Variants in COL25A1 observed in about 807,000 individuals in gnomAD.
COL25A1 encodes the protein collagen alpha-1(XXV) chain.
In COL25A1, 103 loss-of-function variants were observed where a neutral mutation model predicts 128.4. The observed-to-expected ratio is 0.80, with a 90% CI of 0.68 to 0.94. The LOEUF is 0.94. Among genes scored for constraint, COL25A1 ranks in the 40% least tolerant of loss-of-function variants. The pLI is 0.00. For synonymous variants in COL25A1, 279 were observed against 277.2 expected, an observed-to-expected ratio of 1.01 and a Z score of -0.06; for missense variants, 745 against 840.0, an observed-to-expected ratio of 0.89 and a Z score of 1.40.
intron 4 of COL25A1, 33 bp downstream of exon 4, chr4:109,050,102 G>C: frequency 6.3e-7 from 1 of 1,588,398 alleles, no homozygotes; most frequent in Non-Finnish European, 8.6e-7. Flanking sequence ...ACCAGAACAT[G>C]AGTGACACAG....
chr4:109,057,197 C>T (rs149935813), intron 3 of COL25A1, among the ~76,000 whole-genome samples: 1 of 152,186 alleles, frequency 6.6e-6, no homozygotes, highest in East Asian at 1.9e-4. Flanking sequence ...GCCCTCCTGG[C>T]AAAGCATGTT....
chr4:109,010,347 A>G lies in COL25A1; in HGVS notation c.438+11T>C, dbSNP rs780024391. 1.9e-6 allele frequency: 3 copies of G among 1,574,280 alleles called. No individual in the cohort carries two copies. Among genetic ancestry groups the G allele is most frequent in the Non-Finnish European group, 1.7e-6 (2 of 1,163,916 alleles). ...AATTGAAAATAATTTGCTAGAAAAG[A>G]ATTACCTTACCTGAGGACCAGGCTG... On this transcript the variant is annotated intron_variant, in intron 6 of 37. Transcript: ENST00000399132.
chr4:109,057,945 G>A (rs1483172937), intron 3 of COL25A1, among the ~76,000 whole-genome samples: 1 of 152,106 alleles, frequency 6.6e-6, no homozygotes, highest in Non-Finnish European at 1.5e-5. Flanking sequence ...AAATACTACT[G>A]CACTTGAACA....
At chr4:108,957,627 T>C (rs576925923) in intron 8 of COL25A1, among the ~76,000 whole-genome samples, 25 of 152,362 alleles carry the variant, frequency 1.6e-4, no homozygotes, top group African/African-American at 5.5e-4. Context: ...GAACTGTCTA[T>C]GATTAGAATA....
chr4:109,058,478 T>C (rs1472618148), intron 3 of COL25A1, among the ~76,000 whole-genome samples: 1 of 152,174 alleles, frequency 6.6e-6, no homozygotes, highest in Non-Finnish European at 1.5e-5. Context: ...GATTATATGT[T>C]TCTAATGGAA....
chr4:109,101,608 C>G (rs866717744), intron 3 of COL25A1, among the ~76,000 whole-genome samples: 7 of 152,180 alleles, frequency 4.6e-5, no homozygotes, highest in African/African-American at 1.4e-4. Flanking sequence ...CTCCTGCTTT[C>G]CCATAATATT....
intron 8 of COL25A1, among the ~76,000 whole-genome samples, chr4:108,970,731 C>T (rs534055835): frequency 1.3e-5 from 2 of 152,274 alleles, no homozygotes; most frequent in South Asian, 4.1e-4. Context: ...CCATGGGTCA[C>T]CACCATTAAA....
chr4:109,048,391 A>C (rs1429682038), intron 4 of COL25A1, among the ~76,000 whole-genome samples: 1 of 152,200 alleles, frequency 6.6e-6, no homozygotes, highest in Non-Finnish European at 1.5e-5. Context: ...TTTACATAAA[A>C]TTTCAAGTAA....
intron 3 of COL25A1, among the ~76,000 whole-genome samples, chr4:109,137,127 T>C (rs1769862823): frequency 6.6e-6 from 1 of 152,162 alleles, no homozygotes; most frequent in African/African-American, 2.4e-5. Context: ...GGGTAATTTG[T>C]TAAAACAGCA....
intron 14 of COL25A1, among the ~76,000 whole-genome samples, chr4:108,899,605 G>A (rs750664265): frequency 3.9e-5 from 6 of 152,072 alleles, no homozygotes; most frequent in Non-Finnish European, 7.4e-5. Context: ...CCGGTTCATA[G>A]ATCATTTCCA....
intron 5 of COL25A1, among the ~76,000 whole-genome samples, chr4:109,037,839 C>A (rs794148): frequency 0.21 from 31,306 of 152,086 alleles, 4,339 homozygotes; most frequent in African/African-American, 0.39. Context: ...TGTGAACGGG[C>A]TTTTGATGAC....
rs577441983 is a variant in COL25A1 at position 109,179,629 on chromosome 4, A to T, written c.367+120954T>A. On this transcript the variant is annotated intron_variant, in intron 3 of 37. Transcript: ENST00000399132. ...CACTTAAACACCTGTCTTATTGATT[A>T]CTTTCTGTGTTATAAAGCTGTCTTT... Among the ~76,000 whole-genome samples, 6 of 152,360 alleles carry T rather than the reference A, an allele frequency of 3.9e-5. No individual in the cohort carries two copies. In the South Asian group the frequency reaches 1.2e-3, roughly 32 times the overall value.
intron 32 of COL25A1, among the ~76,000 whole-genome samples, chr4:108,827,443 A>T (rs1260864924): frequency 6.6e-6 from 1 of 152,234 alleles, no homozygotes; most frequent in African/African-American, 2.4e-5. Flanking sequence ...CATATCTCAG[A>T]TGTCATACTT....
At chr4:109,154,571 AGAT>A (rs1771851686) in intron 3 of COL25A1, among the ~76,000 whole-genome samples, 1 of 152,196 alleles carries the variant, frequency 6.6e-6, no homozygotes, top group Non-Finnish European at 1.5e-5. Context: ...ACAGACTTGA[AGAT>A]GTTGGCAGGA....
chr4:108,833,999 G>A (rs1208352042), intron 31 of COL25A1, among the ~76,000 whole-genome samples: 2 of 152,158 alleles, frequency 1.3e-5, no homozygotes, highest in Non-Finnish European at 2.9e-5. Context: ...TCAGAGGGCC[G>A]CTCTCATGGA....
intron 3 of COL25A1, among the ~76,000 whole-genome samples, chr4:109,083,130 A>T (rs1415171298): frequency 1.4e-4 from 21 of 152,230 alleles, no homozygotes. Context: ...AGAAGCATTC[A>T]TCTATTTCAG....
chr4:109,274,401 T>G (rs1782404519), intron 3 of COL25A1, among the ~76,000 whole-genome samples: 1 of 152,144 alleles, frequency 6.6e-6, no homozygotes, highest in Non-Finnish European at 1.5e-5. Flanking sequence ...CTTTTTAGCT[T>G]TAGACTGGTT....
intron 5 of COL25A1, among the ~76,000 whole-genome samples, chr4:109,026,284 C>T (rs1452680178): frequency 6.6e-6 from 1 of 151,884 alleles, no homozygotes; most frequent in Non-Finnish European, 1.5e-5. Flanking sequence ...TAAAAAAAAC[C>T]TAAAAACAAT....
chr4:108,965,499 T>C (rs910567323), intron 8 of COL25A1, among the ~76,000 whole-genome samples: 1 of 152,214 alleles, frequency 6.6e-6, no homozygotes, highest in Non-Finnish European at 1.5e-5. Flanking sequence ...CAGAAAAACA[T>C]AGTATTCCAT....
Sources: gnomAD v4.1 joint callset for allele counts (sites outside exome capture counted in the v4.1 genomes callset) on GRCh38, gnomAD v4.1.1 for gene constraint, MANE v1.5 for transcripts, NCBI Gene and HGNC (gene_info 2026-07-23, HGNC 2026-07-21) for gene names.